Variants in LRRC71 observed in about 807,000 individuals in gnomAD.
The protein encoded by LRRC71 is leucine rich repeat containing 71.
Under a neutral mutation model 66.6 loss-of-function variants are expected in LRRC71, and 54 were observed. That is an observed-to-expected ratio of 0.81 (90% CI 0.65 to 1.02). The LOEUF (loss-of-function observed/expected upper bound fraction) is 1.02, where lower values mean the gene tolerates loss of function less well. Ranked by LOEUF, LRRC71 falls within the 50% of genes least tolerant of loss-of-function variation. The pLI is 0.00. For synonymous variants in LRRC71, 323 were observed against 303.9 expected (o/e 1.06, Z -0.65); for missense variants, 724 against 718.0 (o/e 1.01, Z -0.10).
chr1:156,938,585 G>A, the LRRC71 span: 2 of 1,466,308 alleles, frequency 1.4e-6, no homozygotes, highest in Middle Eastern at 1.7e-4. Context: ...GAGAGAACAG[G>A]AAGGAGAGAG....
downstream of LRRC71, chr1:156,935,684 C>A (rs1255280420): frequency 6.7e-6 from 2 of 297,396 alleles, no homozygotes; most frequent in Admixed American, 9.9e-5. Context: ...CACATACAGG[C>A]GTGCGCGTGT....
chr1:156,927,526 C>T lies in LRRC71; in HGVS notation c.693C>T (p.Asn231=). 6.5e-7 allele frequency: 1 copy of T among 1,548,800 alleles called. No individual in the cohort carries two copies. Among genetic ancestry groups the T allele is most frequent in the Non-Finnish European group, 8.7e-7 (1 of 1,148,954 alleles). The change falls in exon 7 of 15, where the codon AAC becomes AAT. Residue 231 remains asparagine (N), a synonymous_variant. Coordinates refer to ENST00000337428, the MANE Select transcript of LRRC71 (RefSeq NM_144702.3). The part of the protein sequence containing the change: ...TIAHLSLRNN[N]IDDRGAQLLG... ...CGCACTTGTCTCTGCGGAACAATAA[C>T]ATCGACGACCGCGGGGCGCAACTCC... is the stretch of plus-strand genomic sequence containing the variant.
rs923793297 is a variant in LRRC71 at position 156,927,943 on chromosome 1, C to A, written c.935C>A (p.Thr312Asn). 5 of 1,612,010 alleles carry A rather than the reference C, an allele frequency of 3.1e-6. No homozygotes were observed. Among genetic ancestry groups the A allele is most frequent in the African/African-American group, 1.3e-5 (1 of 74,912 alleles). The change falls in exon 9 of 15, where the codon ACC (threonine) becomes AAC (asparagine). Residue 312 changes from threonine (T) to asparagine (N), a missense_variant. By Grantham distance (65) the Thr-to-Asn change is moderately conservative. Coordinates refer to ENST00000337428, the MANE Select transcript of LRRC71 (RefSeq NM_144702.3). ...CTGCGCGCCTTCGAGCTGACACACA[C>A]CGAAGTGGTGGAGCGCCGACGCCTC... is the stretch of plus-strand genomic sequence containing the variant. ...EVLRAFELTH[T>N]EVVERRRLLL...
At chr1:156,929,796 A>T in intron 11 of LRRC71, 67 bp downstream of exon 11, 1 of 1,390,420 alleles carries the variant, frequency 7.2e-7, no homozygotes. Context: ...GGCCGGGTGC[A>T]GGAAGCTGTT....
chr1:156,936,818 T>A (rs772443320), downstream of LRRC71: 1 of 1,612,640 alleles, frequency 6.2e-7, no homozygotes, highest in Non-Finnish European at 8.5e-7. Context: ...TCACTCACCA[T>A]CCTCAGGGCA....
chr1:156,932,828 A>C (rs1398897228), intron 14 of LRRC71, 25 bp from the exon 15 acceptor site: 1 of 1,584,454 alleles, frequency 6.3e-7, no homozygotes, highest in Non-Finnish European at 8.6e-7. Flanking sequence ...CTCTTGTCAG[A>C]TGTCAGCCTT....
chr1:156,938,200 C>T, the LRRC71 span, among the ~76,000 whole-genome samples: 3 of 152,194 alleles, frequency 2.0e-5, no homozygotes, highest in African/African-American at 7.2e-5. Context: ...CCATTCTGAA[C>T]AGGAGCCTGG....
chr1:156,940,054 T>A, the LRRC71 span: 1 of 1,427,108 alleles, frequency 7.0e-7, no homozygotes, highest in Non-Finnish European at 9.4e-7. Context: ...CTGGTGGGGG[T>A]TGGGTGGGGA....
intron 9 of LRRC71, 25 bp from the exon 10 acceptor site, chr1:156,929,255 C>T (rs781140004): frequency 1.9e-6 from 3 of 1,582,686 alleles, no homozygotes; most frequent in East Asian, 2.3e-5. Context: ...CTTCTTCCCC[C>T]CTTCCCTCCC....
chr1:156,930,700 T>A lies in LRRC71; in HGVS notation c.1329+83T>A. 5 of 1,293,916 alleles carry A rather than the reference T, an allele frequency of 3.9e-6. No homozygotes were observed. The South Asian group carries it at 6.5e-5, about 17-fold the overall frequency. The allele number at this position is 1,293,916 out of a possible 1,614,324, so 80.2% of individuals were successfully genotyped here. On this transcript the variant is annotated intron_variant, in intron 12 of 14. Transcript: ENST00000337428. ...TGAGACGTCTCACCCCAGCCCCTCC[T>A]GGAATGTGGTCTCCAGCCCCATGCT...
At chr1:156,939,731 TG>T in the LRRC71 span, 1 of 1,614,030 alleles carries the variant, frequency 6.2e-7, no homozygotes. Flanking sequence ...GCAAGCTGGG[TG>T]TTGTCCCCTT....
At chr1:156,939,015 C>G in the LRRC71 span, 1 of 185,970 alleles carries the variant, frequency 5.4e-6, no homozygotes, top group African/African-American at 2.4e-5. Context: ...GGGTGCCCTC[C>G]CTGCCACCTT....
chr1:156,920,943 A>G lies in LRRC71; in HGVS notation c.140A>G (p.Glu47Gly), dbSNP rs1255053526. ...KPATVLPPVG[E>G]EEPKSPEEYQ... ...GCGACCGTTCTGCCTCCCGTGGGGG[A>G]GGAGGAGCCCAAAAGCCCTGGTACG... Residue 47 changes from glutamate to glycine, a missense_variant, in exon 1 of 15, where the codon GAG becomes GGG. Transcript: ENST00000337428. This position sits in a 1 kb window ranked among gnomAD's most constrained non-coding sequence, Gnocchi z 4.9. 6.5e-7 allele frequency: 1 copy of G among 1,533,306 alleles called. No individual in the cohort carries two copies. Among genetic ancestry groups the G allele is most frequent in the Non-Finnish European group, 8.8e-7 (1 of 1,138,332 alleles). 95.0% of individuals were successfully genotyped at this position (1,533,306 alleles called of 1,614,324 possible).
chr1:156,922,658 G>A (rs987572573), intron 1 of LRRC71, among the ~76,000 whole-genome samples: 1 of 152,224 alleles, frequency 6.6e-6, no homozygotes, highest in Non-Finnish European at 1.5e-5. Context: ...ACAGGGCAGC[G>A]CTCTTTTAGA....
Position 156,927,951 on chromosome 1 carries a change from G to T in LRRC71, c.943G>T (p.Val315Leu), listed in dbSNP as rs777433115. 5 of 1,611,820 alleles carry T rather than the reference G, an allele frequency of 3.1e-6. No homozygotes were observed. The East Asian group carries it at 8.9e-5, about 29-fold the overall frequency. The change falls in exon 9 of 15, where the codon GTG (valine) becomes TTG (leucine). Residue 315 changes from valine to leucine, a missense_variant. Val to Leu is a conservative substitution (Grantham distance 32). Transcript: ENST00000337428. Reference sequence around the variant, plus strand: ...CTTCGAGCTGACACACACCGAAGTGGTGGAGCGCCGACGCCTCCTGCTGGA... The same window carrying T: ...CTTCGAGCTGACACACACCGAAGTGTTGGAGCGCCGACGCCTCCTGCTGGA... ...RAFELTHTEV[V>L]ERRRLLLEKG...
chr1:156,935,893 C>A, downstream of LRRC71: 2 of 1,275,994 alleles, frequency 1.6e-6, no homozygotes, highest in Non-Finnish European at 2.2e-6. Context: ...TCCCTAACTG[C>A]CTCCTCCACA....
At chr1:156,928,357 T>TTTTTCC (rs1159496395) in intron 9 of LRRC71, among the ~76,000 whole-genome samples, 1 of 142,182 alleles carries the variant, frequency 7.0e-6, no homozygotes, top group Non-Finnish European at 1.5e-5. Context: ...CTTTCTCTTC[T>TTTTTCC]TCTTCCTCTT....
At chr1:156,932,314 T>G in intron 13 of LRRC71, 110 bp from the exon 14 acceptor site, 1 of 863,634 alleles carries the variant, frequency 1.2e-6, no homozygotes, top group Non-Finnish European at 1.9e-6. Context: ...CCTGGGCCAG[T>G]GAGTCTGGAG....
At chr1:156,939,280 T>C in the LRRC71 span, 2 of 489,030 alleles carry the variant, frequency 4.1e-6, no homozygotes, top group Non-Finnish European at 7.3e-6. Context: ...GAAATGTCCT[T>C]ATGTGCTATA....
Sources: gnomAD v4.1 joint callset for allele counts (sites outside exome capture counted in the v4.1 genomes callset) on GRCh38, gnomAD v4.1.1 for gene constraint, Gnocchi (gnomAD v3.1) non-coding constraint, MANE v1.5 for transcripts, NCBI Gene and HGNC (gene_info 2026-07-23, HGNC 2026-07-21) for gene names.